The following PPM1D variants were observed in gnomAD, a reference collection of about 807,000 sequenced individuals.
PPM1D encodes protein phosphatase, Mg2+/Mn2+ dependent 1D, also known as protein phosphatase 1D.
PPM1D carries 52 observed loss-of-function variants against 58.3 expected under a neutral mutation model. The ratio of observed to expected loss-of-function variants is 0.89; its 90% CI spans 0.71 to 1.12. The LOEUF is 1.12. Among genes scored for constraint, PPM1D ranks in the 50% most tolerant of loss-of-function variants. The pLI is 0.00. For synonymous variants in PPM1D, 278 were observed against 285.1 expected, an observed-to-expected ratio of 0.98 and a Z score of 0.25; for missense variants, 564 against 777.2, an observed-to-expected ratio of 0.73 and a Z score of 3.26.
chr17:60,607,446 C>G (rs2030354790), intron 1 of PPM1D, among the ~76,000 whole-genome samples: 2 of 152,106 alleles, frequency 1.3e-5, no homozygotes, highest in African/African-American at 4.8e-5. Flanking sequence ...CCACACTCAG[C>G]TAATTTTGTA....
At chr17:60,609,983 C>G (rs1013255532) in intron 1 of PPM1D, among the ~76,000 whole-genome samples, 3 of 151,932 alleles carry the variant, frequency 2.0e-5, no homozygotes, top group African/African-American at 7.3e-5. Context: ...AGATCAAGAC[C>G]ATCCTGGCCA....
At chr17:60,613,298 T>A (rs114842678) in intron 1 of PPM1D, among the ~76,000 whole-genome samples, 185 of 152,240 alleles carry the variant, frequency 1.2e-3, no homozygotes, top group African/African-American at 4.1e-3. Flanking sequence ...TGGTTGCCAA[T>A]AAGTATTTTC....
intron 1 of PPM1D, among the ~76,000 whole-genome samples, chr17:60,609,328 C>T (rs1225938337): frequency 1.3e-5 from 2 of 151,932 alleles, no homozygotes; most frequent in Non-Finnish European, 2.9e-5. Flanking sequence ...CTCCTGACCT[C>T]GTGATCCACC....
intron 1 of PPM1D, among the ~76,000 whole-genome samples, chr17:60,617,518 C>T (rs981952950): frequency 1.0e-4 from 15 of 150,316 alleles, no homozygotes; most frequent in African/African-American, 2.9e-4. Context: ...TTAGCCTGCA[C>T]TCCAGCCTGG....
At position 60,645,530 on chromosome 17, in the gene PPM1D, A is replaced by ATGTG. The variant is rs1390506927; in HGVS notation, c.827-2361_827-2360insGTGT. ...TATATGTGTATATATATGTATATATATATGTGTATATATATGTATATATAT... is the reference window on the plus strand; with the variant it reads ...TATATGTGTATATATATGTATATATATGTGTATGTGTATATATATGTATATATAT... On this transcript the variant is annotated intron_variant, in intron 3 of 5. Coordinates refer to ENST00000305921, the MANE Select transcript of PPM1D (RefSeq NM_003620.4). 4.2e-3 allele frequency among the ~76,000 whole-genome samples: 527 copies of ATGTG among 124,670 alleles called. 5 individuals are homozygous for ATGTG. Among genetic ancestry groups the ATGTG allele is most frequent in the African/African-American group, 0.018 (502 of 27,170 alleles). 81.8% of individuals were successfully genotyped at this position (124,670 alleles called of 152,430 possible).
At chr17:60,607,512 G>A (rs575079987) in intron 1 of PPM1D, among the ~76,000 whole-genome samples, 1 of 152,260 alleles carries the variant, frequency 6.6e-6, no homozygotes, top group South Asian at 2.1e-4. Flanking sequence ...TGTTGGTCAG[G>A]CTGGTCTTGA....
In PPM1D at chr17:60,600,225, C is replaced by A; in HGVS notation, c.-190C>A. On this transcript the variant is annotated 5_prime_UTR_variant, in exon 1 of 6. Coordinates refer to ENST00000305921, the MANE Select transcript of PPM1D (RefSeq NM_003620.4). ...AGGCGCAACTGCCTGGCTCTGCTCG[C>A]TCCGGCGCTCCGGCCCAGCTCTCGC... 8.4e-7 allele frequency: 1 copy of A among 1,186,472 alleles called. No individual in the cohort carries two copies. Among genetic ancestry groups the A allele is most frequent in the Non-Finnish European group, 1.1e-6 (1 of 879,344 alleles). The allele number at this position is 1,186,472 out of a possible 1,614,324, so 73.5% of individuals were successfully genotyped here.
At chr17:60,615,702 A>G (rs2030568839) in intron 1 of PPM1D, among the ~76,000 whole-genome samples, 1 of 138,312 alleles carries the variant, frequency 7.2e-6, no homozygotes, top group Non-Finnish European at 1.5e-5. Context: ...TTGGGTAGAG[A>G]TAGGGTCTTA....
At chr17:60,623,823 C>T in intron 2 of PPM1D, 74 bp downstream of exon 2, 3 of 1,409,932 alleles carry the variant, frequency 2.1e-6, no homozygotes, top group Non-Finnish European at 2.9e-6. Flanking sequence ...TGAAATTGAC[C>T]TACTACTGTC....
chr17:60,645,815 G>T (rs1014076286), intron 3 of PPM1D, among the ~76,000 whole-genome samples: 1 of 151,288 alleles, frequency 6.6e-6, no homozygotes, highest in Non-Finnish European at 1.5e-5. Flanking sequence ...TATATCTTTT[G>T]GTTTTCATAC....
chr17:60,629,676 G>A (rs545386152), intron 2 of PPM1D, among the ~76,000 whole-genome samples: 3 of 152,108 alleles, frequency 2.0e-5, no homozygotes, highest in Admixed American at 1.3e-4. Context: ...TTTTTAAAAC[G>A]GAGACTTTAT....
At chr17:60,631,861 A>G (rs939501773) in intron 2 of PPM1D, among the ~76,000 whole-genome samples, 2 of 152,202 alleles carry the variant, frequency 1.3e-5, no homozygotes, top group Non-Finnish European at 2.9e-5. Context: ...TGTTTTGATT[A>G]TCAGTGTTTT....
rs1384795929 is a variant in PPM1D at position 60,663,403 on chromosome 17, C to T, written c.1669C>T (p.Arg557Ter). The T allele has an allele frequency of 2.5e-6, 4 of 1,614,120 alleles. No homozygotes were observed. The highest frequency in any genetic ancestry group is 2.5e-6 in the Non-Finnish European group (3 of 1,180,040). The change falls in exon 6 of 6, where the codon CGA (arginine) becomes TGA (stop). Residue 557 changes from arginine to a stop codon, truncating the protein, a stop_gained. Transcript: ENST00000305921. LOFTEE classifies it high-confidence loss of function. Reference sequence around the variant, plus strand: ...GAAGCATAGACGAAATGGCTTAAGTCGAAGTAGTGGTGCTCAGCCTGCAAG... The same window carrying T: ...GAAGCATAGACGAAATGGCTTAAGTTGAAGTAGTGGTGCTCAGCCTGCAAG... ...MKKHRRNGLS[R>*]SSGAQPASLP...
At chr17:60,662,959 A>G in intron 5 of PPM1D, 36 bp from the exon 6 acceptor site, 1 of 1,543,778 alleles carries the variant, frequency 6.5e-7, no homozygotes, top group South Asian at 1.2e-5. Context: ...TCTGGGATAA[A>G]TTTTTTCTTA....
chr17:60,657,773 C>T (rs562204729), intron 5 of PPM1D, among the ~76,000 whole-genome samples: 1 of 152,212 alleles, frequency 6.6e-6, no homozygotes, highest in East Asian at 1.9e-4. Flanking sequence ...GAGTTTCACT[C>T]TTGTTGCCCA....
intron 3 of PPM1D, among the ~76,000 whole-genome samples, chr17:60,635,925 A>T (rs539844894): frequency 6.6e-6 from 1 of 152,280 alleles, no homozygotes; most frequent in South Asian, 2.1e-4. Flanking sequence ...ACCCGGGGTG[A>T]CTTAACTGGA....
chr17:60,615,309 C>T (rs1490826408), intron 1 of PPM1D, among the ~76,000 whole-genome samples: 1 of 151,914 alleles, frequency 6.6e-6, no homozygotes, highest in Non-Finnish European at 1.5e-5. Flanking sequence ...GCTTGGGAGG[C>T]CCAGGTGGGA....
intron 5 of PPM1D, among the ~76,000 whole-genome samples, chr17:60,658,690 G>T (rs998527973): frequency 1.4e-5 from 2 of 146,798 alleles, no homozygotes; most frequent in African/African-American, 5.0e-5. Flanking sequence ...TGGGCTGGGC[G>T]TGGTGGCTCA....
chr17:60,625,907 A>G (rs2030797474), intron 2 of PPM1D, among the ~76,000 whole-genome samples: 1 of 152,124 alleles, frequency 6.6e-6, no homozygotes, highest in Non-Finnish European at 1.5e-5. Flanking sequence ...AAAAAAGAGG[A>G]TATGCTATGG....
Sources: gnomAD v4.1 joint callset for allele counts (sites outside exome capture counted in the v4.1 genomes callset) on GRCh38, gnomAD v4.1.1 for gene constraint, MANE v1.5 for transcripts, NCBI Gene and HGNC (gene_info 2026-07-23, HGNC 2026-07-21) for gene names.